The following DLC1 variants were observed in gnomAD, a reference collection of about 807,000 sequenced individuals.
DLC1 encodes the protein DLC1 Rho GTPase activating protein, also known as rho GTPase-activating protein 7.
Under a neutral mutation model 140.3 loss-of-function variants are expected in DLC1, and 54 were observed. The ratio of observed to expected loss-of-function variants is 0.38; its 90% CI spans 0.31 to 0.48. The LOEUF is 0.48. Ranked by LOEUF, DLC1 falls within the 20% of genes least tolerant of loss-of-function variation. The pLI is 0.96. For synonymous variants in DLC1, 986 were observed against 728.1 expected (o/e 1.35, Z -5.70); for missense variants, 2,536 against 1,907.0 (o/e 1.33, Z -6.14).
intron 5 of DLC1, among the ~76,000 whole-genome samples, chr8:13,246,342 G>C (rs933578473): frequency 6.6e-6 from 1 of 152,218 alleles, no homozygotes; most frequent in African/African-American, 2.4e-5. Flanking sequence ...CCAGGTAACT[G>C]TTCAGATGAG....
intron 2 of DLC1, among the ~76,000 whole-genome samples, chr8:13,477,067 C>T (rs990118965): frequency 6.6e-6 from 1 of 152,156 alleles, no homozygotes; most frequent in Non-Finnish European, 1.5e-5. Flanking sequence ...CATCTATTCA[C>T]CCATCCGTCT....
At position 13,100,098 on chromosome 8, in the gene DLC1, A is replaced by C. The variant is rs1211824684; in HGVS notation, c.2239T>G (p.Ser747Ala). ...GTGCTGACCGCGCTGCTGGTCTCCGACTGGCTGCTGCTGCTGCTGGTCTGC... is the reference window on the plus strand; with the variant it reads ...GTGCTGACCGCGCTGCTGGTCTCCGCCTGGCTGCTGCTGCTGCTGGTCTGC... ...STQTSSSSSQSETSSAVSTPS... is the reference protein window; with the variant it reads ...STQTSSSSSQAETSSAVSTPS... Residue 747 changes from serine (S) to alanine (A), a missense_variant, in exon 9 of 18, where the codon TCG becomes GCG. By Grantham distance (99) the Ser-to-Ala change is moderately conservative (BLOSUM62 1). Coordinates refer to ENST00000276297, the MANE Select transcript of DLC1 (RefSeq NM_182643.3). 6.2e-7 allele frequency: 1 copy of C among 1,613,706 alleles called. No homozygotes were observed. Among genetic ancestry groups the C allele is most frequent in the Non-Finnish European group, 8.5e-7 (1 of 1,180,042 alleles).
chr8:13,274,369 T>C (rs1216896106), intron 5 of DLC1, among the ~76,000 whole-genome samples: 1 of 152,230 alleles, frequency 6.6e-6, no homozygotes, highest in Non-Finnish European at 1.5e-5. Flanking sequence ...GCATGGTATC[T>C]GGATTCTCTA....
chr8:13,280,891 G>T (rs1831342472), intron 5 of DLC1, among the ~76,000 whole-genome samples: 2 of 152,174 alleles, frequency 1.3e-5, no homozygotes, highest in African/African-American at 2.4e-5. Context: ...TAACCCCATT[G>T]GTTAAGTCCT....
In DLC1 at chr8:13,293,032, G is replaced by A. The variant is rs116417717; in HGVS notation, c.1348+12237C>T. Among the ~76,000 whole-genome samples the A allele has an allele frequency of 5.2e-3, 798 of 152,206 alleles. 9 individuals carry two copies. The highest frequency in any genetic ancestry group is 0.018 in the African/African-American group (764 of 41,512). ...GGAGCCAGGAGTTTGAGACCAGCCT[G>A]GGCAACATGGTGAGATCCTGCCTCT... On this transcript the variant is annotated intron_variant, in intron 5 of 17. Transcript: ENST00000276297.
At chr8:13,412,768 T>TA (rs1837836308) in intron 2 of DLC1, among the ~76,000 whole-genome samples, 1 of 151,644 alleles carries the variant, frequency 6.6e-6, no homozygotes, top group African/African-American at 2.4e-5. Context: ...CCGTCTGTAC[T>TA]AAAAATACAA....
chr8:13,139,258 C>A (rs1212360291), intron 5 of DLC1, among the ~76,000 whole-genome samples: 2 of 129,086 alleles, frequency 1.5e-5, no homozygotes, highest in African/African-American at 3.0e-5. Context: ...CACTGCACTC[C>A]AGCCTGGGCC....
intron 1 of DLC1, among the ~76,000 whole-genome samples, chr8:13,598,890 C>G (rs550059338): frequency 2.0e-5 from 3 of 151,238 alleles, no homozygotes; most frequent in South Asian, 2.1e-4. Context: ...GTTAAAATGT[C>G]AGAACTAATA....
chr8:13,296,655 C>T (rs560353153), intron 5 of DLC1, among the ~76,000 whole-genome samples: 3 of 152,164 alleles, frequency 2.0e-5, no homozygotes, highest in Admixed American at 1.3e-4. Flanking sequence ...TTCTTGAGCA[C>T]CTACTCTGTG....
At chr8:13,108,060 T>C (rs914750065) in intron 7 of DLC1, among the ~76,000 whole-genome samples, 1 of 151,722 alleles carries the variant, frequency 6.6e-6, no homozygotes, top group Non-Finnish European at 1.5e-5. Context: ...AATAAAAAAA[T>C]AAAATAAAGG....
At chr8:13,152,777 A>C (rs376054012) in intron 5 of DLC1, among the ~76,000 whole-genome samples, 1 of 133,510 alleles carries the variant, frequency 7.5e-6, no homozygotes, top group African/African-American at 2.8e-5. Context: ...TGATCTTGCC[A>C]CTGCACTCTA....
chr8:13,142,206 A>G (rs930048550), intron 5 of DLC1, among the ~76,000 whole-genome samples: 1 of 152,196 alleles, frequency 6.6e-6, no homozygotes, highest in African/African-American at 2.4e-5. Context: ...AGTCAATTAA[A>G]CCACTTTCCT....
At chr8:13,442,952 C>G (rs1798593634) in intron 2 of DLC1, among the ~76,000 whole-genome samples, 1 of 152,090 alleles carries the variant, frequency 6.6e-6, no homozygotes, top group South Asian at 2.1e-4. Flanking sequence ...TTGGAACCAA[C>G]CCAAATGTCC....
chr8:13,374,995 TTGTC>T lies in DLC1; in HGVS notation c.1314+18554_1314+18557del, dbSNP rs373986538. ...GTTCACTCATGATTTGGCTCTCTGT[TTGTC>T]TGTTATTGGTGTATAAGAATGCTTG... On this transcript the variant is annotated intron_variant, in intron 4 of 17. Coordinates refer to ENST00000276297, the MANE Select transcript of DLC1 (RefSeq NM_182643.3). Among the ~76,000 whole-genome samples, 6 of 152,028 alleles carry T rather than the reference TTGTC, an allele frequency of 3.9e-5. No individual in the cohort carries two copies. The East Asian group carries it at 5.8e-4, about 15-fold the overall frequency.
chr8:13,180,799 T>C (rs1043741305), intron 5 of DLC1, among the ~76,000 whole-genome samples: 25 of 152,194 alleles, frequency 1.6e-4, no homozygotes, highest in African/African-American at 6.0e-4. Flanking sequence ...TCCAAAAATA[T>C]AACATCTAAC....
rs139118885 is a variant in DLC1, at chr8:13,184,650, T to A, written c.1349-68993A>T. Among the ~76,000 whole-genome samples the A allele has an allele frequency of 1.3e-3, 199 of 152,366 alleles. 8 individuals are homozygous for A. In the East Asian group the frequency reaches 0.032, roughly 25 times the overall value. On this transcript the variant is annotated intron_variant, in intron 5 of 17. Transcript: ENST00000276297. ...ATCCTGAGTTCTAATTTGACTGTACTGTGGTCTGAGAGACAGTTTGTTGTG... is the reference window on the plus strand; with the variant it reads ...ATCCTGAGTTCTAATTTGACTGTACAGTGGTCTGAGAGACAGTTTGTTGTG...
chr8:13,319,477 G>C lies in DLC1; in HGVS notation c.1315-14175C>G, dbSNP rs1156258106. 1.2e-3 allele frequency among the ~76,000 whole-genome samples: 139 copies of C among 119,616 alleles called. 2 individuals carry two copies. Among genetic ancestry groups the C allele is most frequent in the South Asian group, 5.2e-3 (16 of 3,060 alleles). The allele number at this position is 119,616 out of a possible 152,430, so 78.5% of individuals were successfully genotyped here. On this transcript the variant is annotated intron_variant, in intron 4 of 17. Coordinates refer to ENST00000276297, the MANE Select transcript of DLC1 (RefSeq NM_182643.3). ...GAGGAGGGGCCTGCTGGCGGGGCGG[G>C]GGGGGGGGGTGGATTTCCCCCTTGC...
At chr8:13,360,949 G>A (rs141913110) in intron 4 of DLC1, among the ~76,000 whole-genome samples, 97 of 150,204 alleles carry the variant, frequency 6.5e-4, no homozygotes, top group African/African-American at 2.2e-3. Context: ...AGACAATATT[G>A]GCTGGCTGCA....
chr8:13,465,343 G>T (rs915819659), intron 2 of DLC1, among the ~76,000 whole-genome samples: 3 of 151,994 alleles, frequency 2.0e-5, no homozygotes, highest in Non-Finnish European at 4.4e-5. Context: ...TAATATTATT[G>T]TATCAGTTAT....
Sources: gnomAD v4.1 joint callset for allele counts (sites outside exome capture counted in the v4.1 genomes callset) on GRCh38, gnomAD v4.1.1 for gene constraint, MANE v1.5 for transcripts, NCBI Gene and HGNC (gene_info 2026-07-23, HGNC 2026-07-21) for gene names.